Variants in ANO3 observed in about 807,000 individuals in gnomAD.
ANO3 encodes the protein anoctamin-3.
In ANO3, 99 loss-of-function variants were observed where a neutral mutation model predicts 144.8. The ratio of observed to expected loss-of-function variants is 0.68; its 90% confidence interval spans 0.58 to 0.81. The LOEUF (loss-of-function observed/expected upper bound fraction) is 0.81. Ranked by LOEUF, ANO3 falls within the 30% of genes least tolerant of loss-of-function variation. The probability of loss-of-function intolerance (pLI) is 0.00; values close to 1 mark genes in which losing one functional copy is unlikely to be tolerated. For synonymous variants in ANO3, 414 were observed against 392.6 expected (o/e 1.05, Z -0.64); for missense variants, 905 against 1,202.2 (o/e 0.75, Z 3.66).
chr11:26,633,322 C>T (rs1852845674), intron 18 of ANO3, among the ~76,000 whole-genome samples: 1 of 152,058 alleles, frequency 6.6e-6, no homozygotes, highest in Non-Finnish European at 1.5e-5. Flanking sequence ...TTGTCTAAAT[C>T]CCTTATTCTA....
rs76835196 is a variant in ANO3, at chr11:26,624,633, G to A, written c.1873+135G>A. ...TATTTACCAATTAAAAAGGAGAGGG[G>A]TAGTATAGGAAGTTGGTCTATATTG... is the stretch of plus-strand genomic sequence containing the variant. On this transcript the variant is annotated intron_variant, in intron 18 of 26. Transcript: ENST00000256737. The A allele has an allele frequency of 4.5e-3, 2,859 of 632,172 alleles. 72 individuals are homozygous for A. In the African/African-American group the frequency reaches 0.046, roughly 10 times the overall value. The allele number at this position is 632,172 out of a possible 1,614,324, so 39.2% of individuals were successfully genotyped here. A position where few individuals can be genotyped will look rare whatever the true frequency, so the allele number is the denominator to read the frequency against.
intron 1 of ANO3, among the ~76,000 whole-genome samples, chr11:26,372,773 C>T (rs965116695): frequency 1.3e-5 from 2 of 151,930 alleles, no homozygotes; most frequent in Non-Finnish European, 2.9e-5. Flanking sequence ...GTGCCAAAGA[C>T]ATAACATTAA....
intron 1 of ANO3, among the ~76,000 whole-genome samples, chr11:26,397,129 A>G (rs751694371): frequency 6.6e-6 from 1 of 152,040 alleles, no homozygotes; most frequent in Non-Finnish European, 1.5e-5. Flanking sequence ...TCAGTTACAC[A>G]TGAAGAAACT....
chr11:26,265,999 T>A (rs1853299192), intron 1 of ANO3, among the ~76,000 whole-genome samples: 1 of 152,212 alleles, frequency 6.6e-6, no homozygotes, highest in Non-Finnish European at 1.5e-5. Context: ...TCATCCCATC[T>A]TTACTGGAAA....
intron 3 of ANO3, among the ~76,000 whole-genome samples, chr11:26,446,205 T>C (rs1858697902): frequency 6.6e-6 from 1 of 152,132 alleles, no homozygotes; most frequent in Non-Finnish European, 1.5e-5. Context: ...AGAAATCAAG[T>C]AAAATAATGT....
chr11:26,344,368 CT>C (rs10683178), intron 1 of ANO3, among the ~76,000 whole-genome samples: 28 of 137,932 alleles, frequency 2.0e-4, no homozygotes, highest in Admixed American at 1.5e-4. Flanking sequence ...AAAATATTGT[CT>C]TTTTTTTTTT....
chr11:26,349,635 G>A (rs1248163080), intron 1 of ANO3, among the ~76,000 whole-genome samples: 1 of 151,974 alleles, frequency 6.6e-6, no homozygotes, highest in African/African-American at 2.4e-5. Flanking sequence ...TGCAAGCTCC[G>A]CCTCCCGGGT....
At chr11:26,247,834 T>G (rs1852833124) in intron 1 of ANO3, among the ~76,000 whole-genome samples, 1 of 147,050 alleles carries the variant, frequency 6.8e-6, no homozygotes, top group Non-Finnish European at 1.5e-5. Flanking sequence ...GTTCAAGTGA[T>G]TCTCCTTGCC....
chr11:26,396,301 G>A (rs1326928193), intron 1 of ANO3, among the ~76,000 whole-genome samples: 2 of 152,144 alleles, frequency 1.3e-5, no homozygotes, highest in Non-Finnish European at 2.9e-5. Flanking sequence ...AGATGCTGGA[G>A]GGGATGTGGA....
chr11:26,544,279 CAT>C (rs144081611), intron 11 of ANO3, among the ~76,000 whole-genome samples: 14,160 of 46,286 alleles, frequency 0.31, 1,654 homozygotes, highest in South Asian at 0.37. Context: ...TATATACACA[CAT>C]ACACACACAC....
chr11:26,521,748 A>G (rs1391668506), intron 6 of ANO3, among the ~76,000 whole-genome samples: 2 of 152,280 alleles, frequency 1.3e-5, no homozygotes, highest in Non-Finnish European at 2.9e-5. Flanking sequence ...CACACATAAG[A>G]GAGTTCAGCA....
chr11:26,254,887 G>A (rs926176682), intron 1 of ANO3, among the ~76,000 whole-genome samples: 4 of 151,994 alleles, frequency 2.6e-5, no homozygotes, highest in Non-Finnish European at 4.4e-5. Context: ...ATCTCAATTC[G>A]TCCTCAAAAC....
chr11:26,204,052 C>T (rs1193237666), intron 1 of ANO3, among the ~76,000 whole-genome samples: 1 of 152,008 alleles, frequency 6.6e-6, no homozygotes, highest in Non-Finnish European at 1.5e-5. Context: ...GTAATCTGAC[C>T]TTTGAGTGCC....
intron 10 of ANO3, among the ~76,000 whole-genome samples, chr11:26,539,258 G>A (rs1427492149): frequency 6.7e-6 from 1 of 150,278 alleles, no homozygotes; most frequent in Non-Finnish European, 1.5e-5. Context: ...TAGGTCAGAG[G>A]AGGCCAGTCA....
intron 3 of ANO3, among the ~76,000 whole-genome samples, chr11:26,448,896 C>G (rs186570794): frequency 5.3e-5 from 8 of 150,378 alleles, no homozygotes; most frequent in Admixed American, 4.6e-4. Context: ...TACGCTGGTA[C>G]AATAACTTCC....
chr11:26,412,056 G>A (rs1186598424), intron 1 of ANO3, among the ~76,000 whole-genome samples: 2 of 151,926 alleles, frequency 1.3e-5, no homozygotes, highest in South Asian at 4.1e-4. Flanking sequence ...GTATTTACAA[G>A]TTATATACTG....
chr11:26,213,154 T>C (rs749432716), intron 1 of ANO3, among the ~76,000 whole-genome samples: 9 of 152,150 alleles, frequency 5.9e-5, no homozygotes, highest in Non-Finnish European at 1.2e-4. Context: ...GAGCTATTTA[T>C]GACAAAGCCA....
chr11:26,337,701 G>A lies in ANO3; in HGVS notation c.46+5380G>A, dbSNP rs576504971. On this transcript the variant is annotated intron_variant, in intron 1 of 26. Coordinates refer to ENST00000256737, the MANE Select transcript of ANO3 (RefSeq NM_031418.4). ...AAAATTATGGCTCACTTTGGGAGGC[G>A]GAGGTGGTGGATCACTTGAGGACAG... is the stretch of plus-strand genomic sequence containing the variant. 4.6e-5 allele frequency among the ~76,000 whole-genome samples: 7 copies of A among 152,162 alleles called. No homozygotes were observed. In the South Asian group the frequency reaches 8.3e-4, roughly 18 times the overall value.
chr11:26,534,671 G>T, intron 9 of ANO3, 109 bp downstream of exon 9: 1 of 672,612 alleles, frequency 1.5e-6, no homozygotes, highest in Non-Finnish European at 2.6e-6. Flanking sequence ...AAATAGATGT[G>T]TATAACATAT....
Sources: gnomAD v4.1 joint callset for allele counts (sites outside exome capture counted in the v4.1 genomes callset) on GRCh38, gnomAD v4.1.1 for gene constraint, MANE v1.5 for transcripts, NCBI Gene and HGNC (gene_info 2026-07-23, HGNC 2026-07-21) for gene names.